Variants in ATP10B observed in about 807,000 individuals in gnomAD.
ATP10B encodes the protein ATPase phospholipid transporting 10B (putative).
In ATP10B, 122 loss-of-function variants were observed where a neutral mutation model predicts 141.2. The ratio of observed to expected loss-of-function variants is 0.86; its 90% CI spans 0.75 to 1.00. The LOEUF (loss-of-function observed/expected upper bound fraction) is 1.00. Ranked by LOEUF, ATP10B falls within the 50% of genes least tolerant of loss-of-function variation. The pLI is 0.00. For missense variants in ATP10B, 1,876 were observed against 1,825.3 expected (o/e 1.03, Z -0.51); for synonymous variants, 685 against 692.0 (o/e 0.99, Z 0.16).
At chr5:160,856,186 A>T (rs1753994167), upstream of ATP10B, among the ~76,000 whole-genome samples, 1 of 151,950 alleles carries the variant, frequency 6.6e-6, no homozygotes, top group African/African-American at 2.4e-5. Flanking sequence ...TTACTATTTG[A>T]ATAGTCCAAT....
the ATP10B span, among the ~76,000 whole-genome samples, chr5:160,871,359 AG>A: frequency 1.3e-5 from 2 of 152,024 alleles, no homozygotes; most frequent in African/African-American, 4.8e-5. Flanking sequence ...ACCCTTGAAG[AG>A]GTATAGTGTT....
At chr5:160,757,426 A>T in intron 2 of ATP10B, among the ~76,000 whole-genome samples, 1 of 152,244 alleles carries the variant, frequency 6.6e-6, no homozygotes, top group Non-Finnish European at 1.5e-5. Flanking sequence ...AAGGGTAGGG[A>T]AAATGTTAAG....
chr5:160,593,028 T>G (rs1756429856), intron 22 of ATP10B, among the ~76,000 whole-genome samples: 7 of 152,222 alleles, frequency 4.6e-5, no homozygotes, highest in Admixed American at 3.9e-4. Context: ...TCTGCAGACT[T>G]AAATGTCCCT....
At chr5:160,857,685 C>T in the ATP10B span, among the ~76,000 whole-genome samples, 1 of 151,420 alleles carries the variant, frequency 6.6e-6, no homozygotes, top group Non-Finnish European at 1.5e-5. Flanking sequence ...TAGCTGTGTC[C>T]CATTAATTTT....
intron 2 of ATP10B, among the ~76,000 whole-genome samples, chr5:160,726,280 C>T (rs1766353872): frequency 6.6e-6 from 1 of 152,182 alleles, no homozygotes. Flanking sequence ...CATGCAAGCC[C>T]AGCCATGTAG....
chr5:160,753,050 A>G (rs1035647659), intron 2 of ATP10B, among the ~76,000 whole-genome samples: 2 of 152,238 alleles, frequency 1.3e-5, no homozygotes, highest in Admixed American at 6.5e-5. Flanking sequence ...ATACTGATTC[A>G]TATAACAGCC....
chr5:160,914,855 G>T, the ATP10B span, among the ~76,000 whole-genome samples: 1 of 152,144 alleles, frequency 6.6e-6, no homozygotes, highest in African/African-American at 2.4e-5. Context: ...ATTCCTCTCC[G>T]AGTTCAGATC....
In ATP10B at chr5:160,565,805, T is replaced by G. The variant is rs752438364; in HGVS notation, c.4034A>C (p.Glu1345Ala). 2.1e-5 allele frequency: 34 copies of G among 1,613,988 alleles called. No homozygotes were observed. Among genetic ancestry groups the G allele is most frequent in the Admixed American group, 3.3e-5 (2 of 59,998 alleles). ...DKLPPDKRNL[E>A]IQSWRSRQRP... is the part of the protein sequence containing the mutation. Reference sequence around the variant, plus strand: ...CTGTCTGCTTCTCCAACTCTGGATTTCCAGGTTTCTTTTGTCTGGGGGGAG... The same window carrying G: ...CTGTCTGCTTCTCCAACTCTGGATTGCCAGGTTTCTTTTGTCTGGGGGGAG... The change falls in exon 26 of 26, where the codon GAA becomes GCA. Residue 1345 changes from glutamate to alanine, a missense_variant. Coordinates refer to ENST00000327245, the MANE Select transcript of ATP10B (RefSeq NM_025153.3).
the ATP10B span, among the ~76,000 whole-genome samples, chr5:160,900,953 T>G: frequency 1.3e-3 from 187 of 146,042 alleles, 1 homozygote; most frequent in Non-Finnish European, 2.3e-3. Context: ...TAATCTCGGT[T>G]CTTTCTGACT....
intron 1 of ATP10B, among the ~76,000 whole-genome samples, chr5:160,848,438 G>A (rs1753569897): frequency 6.6e-6 from 1 of 152,188 alleles, no homozygotes; most frequent in Non-Finnish European, 1.5e-5. Context: ...TGGCACAAAT[G>A]AAATTAAAGC....
At chr5:160,588,405 T>C (rs1756055432) in intron 24 of ATP10B, among the ~76,000 whole-genome samples, 2 of 152,198 alleles carry the variant, frequency 1.3e-5, no homozygotes, top group South Asian at 4.2e-4. Context: ...GGTGGGAGGC[T>C]GGGGTGGAGA....
At chr5:160,850,457 C>G (rs1010360926) in intron 1 of ATP10B, among the ~76,000 whole-genome samples, 10 of 152,090 alleles carry the variant, frequency 6.6e-5, no homozygotes, top group African/African-American at 2.2e-4. Flanking sequence ...AGAAGCAACA[C>G]TGGATTGAGA....
At chr5:160,771,510 GTA>G (rs1025154187) in intron 2 of ATP10B, among the ~76,000 whole-genome samples, 8 of 152,018 alleles carry the variant, frequency 5.3e-5, no homozygotes, top group South Asian at 2.1e-4. Flanking sequence ...TTTATAAAAG[GTA>G]TATGTCCTTA....
chr5:160,617,561 T>C, intron 16 of ATP10B, among the ~76,000 whole-genome samples: 1 of 152,142 alleles, frequency 6.6e-6, no homozygotes, highest in East Asian at 1.9e-4. Context: ...AATGCATACC[T>C]AAAAAATATA....
chr5:160,690,208 A>G (rs1022075503), intron 3 of ATP10B, among the ~76,000 whole-genome samples: 1 of 152,230 alleles, frequency 6.6e-6, no homozygotes, highest in African/African-American at 2.4e-5. Context: ...AATTAACTCA[A>G]GATGGATTAA....
intron 2 of ATP10B, among the ~76,000 whole-genome samples, chr5:160,771,584 T>A (rs1282580617): frequency 5.9e-5 from 9 of 152,238 alleles, no homozygotes; most frequent in African/African-American, 2.2e-4. Context: ...ATAGGTATAG[T>A]GAGATGCTTA....
At chr5:160,831,819 G>A (rs768834749) in intron 1 of ATP10B, among the ~76,000 whole-genome samples, 1 of 152,080 alleles carries the variant, frequency 6.6e-6, no homozygotes, top group African/African-American at 2.4e-5. Flanking sequence ...GAGGTAATAG[G>A]CAATAAAGAG....
chr5:160,827,732 C>A (rs1289750188), intron 1 of ATP10B, among the ~76,000 whole-genome samples: 2 of 152,074 alleles, frequency 1.3e-5, no homozygotes, highest in Non-Finnish European at 2.9e-5. Context: ...ATCTTTAATC[C>A]ATCTTAATTT....
chr5:160,575,018 A>C (rs1444381723), intron 24 of ATP10B, among the ~76,000 whole-genome samples: 1 of 151,984 alleles, frequency 6.6e-6, no homozygotes, highest in Admixed American at 6.6e-5. Flanking sequence ...ATCTTTTTCT[A>C]TTTTTTTATT....
Sources: gnomAD v4.1 joint callset for allele counts (sites outside exome capture counted in the v4.1 genomes callset) on GRCh38, gnomAD v4.1.1 for gene constraint, MANE v1.5 for transcripts, NCBI Gene and HGNC (gene_info 2026-07-23, HGNC 2026-07-21) for gene names.